RCBTB1: variants seen among roughly 807,000 people sequenced by gnomAD.
RCBTB1 encodes the protein RCC1 and BTB domain-containing protein 1.
In RCBTB1, 46 loss-of-function variants were observed where a neutral mutation model predicts 62.4. The ratio of observed to expected loss-of-function variants is 0.74; its 90% confidence interval spans 0.58 to 0.94. The LOEUF is 0.94. RCBTB1 is among the 40% of genes least tolerant of loss of function. The pLI is 0.00. For missense variants in RCBTB1, 565 were observed against 654.9 expected, an observed-to-expected ratio of 0.86 and a Z score of 1.50; for synonymous variants, 222 against 245.8, an observed-to-expected ratio of 0.90 and a Z score of 0.91.
At chr13:49,552,321 A>G (rs1482378393) in intron 6 of RCBTB1, 36 bp from the exon 7 acceptor site, 1 of 1,386,678 alleles carries the variant, frequency 7.2e-7, no homozygotes, top group Middle Eastern at 1.9e-4. Context: ...TGAGATTTTT[A>G]AACTGCTGGT....
chr13:49,551,261 C>T, intron 8 of RCBTB1, 65 bp downstream of exon 8: 1 of 1,572,254 alleles, frequency 6.4e-7, no homozygotes, highest in Non-Finnish European at 8.7e-7. Context: ...CACCACAGCT[C>T]TGCCACACAC....
chr13:49,573,118 T>C, intron 2 of RCBTB1, among the ~76,000 whole-genome samples: 1 of 152,146 alleles, frequency 6.6e-6, no homozygotes, highest in East Asian at 1.9e-4. Context: ...TATGTGCACA[T>C]CCCAAATTCA....
Position 49,584,504 on chromosome 13 carries a change from T to C in RCBTB1, c.-122+940A>G, listed in dbSNP as rs1174475841. On this transcript the variant is annotated intron_variant, in intron 1 of 12. Coordinates refer to ENST00000378302, the MANE Select transcript of RCBTB1 (RefSeq NM_018191.4). ...TCACCCAGTGCTCACTTGAAATGAG[T>C]ACTCTAAAGTTTAAAGCACCTATAA... Among the ~76,000 whole-genome samples the C allele has an allele frequency of 2.6e-5, 4 of 152,166 alleles. No individual in the cohort carries two copies. The South Asian group carries it at 6.2e-4, about 24-fold the overall frequency.
At chr13:49,550,336 T>C (rs903221233) in intron 8 of RCBTB1, 34 of 486,118 alleles carry the variant, frequency 7.0e-5, no homozygotes, top group Middle Eastern at 1.0e-3. Flanking sequence ...AGAACACTCA[T>C]TGGGCTGATA....
Position 49,533,393 on chromosome 13 carries a change from C to T in RCBTB1, c.*729G>A. ...AGATTCTAATTTATAAAATATTCACCTTCATCAAATTTCTTTCATTATCAA... is the reference window on the plus strand; with the variant it reads ...AGATTCTAATTTATAAAATATTCACTTTCATCAAATTTCTTTCATTATCAA... On this transcript the variant is annotated 3_prime_UTR_variant, in exon 13 of 13. Coordinates refer to ENST00000378302, the MANE Select transcript of RCBTB1 (RefSeq NM_018191.4). The T allele has an allele frequency of 6.6e-6, 1 of 152,052 alleles. No homozygotes were observed. The highest frequency in any genetic ancestry group is 6.5e-5 in the Admixed American group (1 of 15,272). 9.4% of individuals were successfully genotyped at this position (152,052 alleles called of 1,614,324 possible). A position where few individuals can be genotyped will look rare whatever the true frequency, so the allele number is the denominator to read the frequency against.
In RCBTB1 at chr13:49,533,957, C is replaced by T. The variant is rs560256142; in HGVS notation, c.*165G>A. 28 of 577,236 alleles carry T rather than the reference C, an allele frequency of 4.9e-5. No individual in the cohort carries two copies. The highest frequency in any genetic ancestry group is 1.0e-4 in the South Asian group (3 of 29,222). 35.8% of individuals were successfully genotyped at this position (577,236 alleles called of 1,614,324 possible). ...TGTTTAAAATGGGCTCAAGAAAAGCCGTACACCCTTGTTATGTTCCTACAC... is the reference window on the plus strand; with the variant it reads ...TGTTTAAAATGGGCTCAAGAAAAGCTGTACACCCTTGTTATGTTCCTACAC... On this transcript the variant is annotated 3_prime_UTR_variant, in exon 13 of 13. Transcript: ENST00000378302.
chr13:49,553,040 G>A (rs1470889143), intron 6 of RCBTB1, among the ~76,000 whole-genome samples: 2 of 152,044 alleles, frequency 1.3e-5, no homozygotes, highest in African/African-American at 4.8e-5. Flanking sequence ...AAATTAGCTG[G>A]GCGTGGTGGC....
intron 1 of RCBTB1, among the ~76,000 whole-genome samples, chr13:49,582,812 G>A (rs986163695): frequency 9.2e-5 from 5 of 54,258 alleles, no homozygotes; most frequent in Non-Finnish European, 1.1e-4. Flanking sequence ...CTCTTCTGAG[G>A]TCACCTATTT....
At chr13:49,562,774 G>T (rs9568262) in intron 4 of RCBTB1, among the ~76,000 whole-genome samples, 2 of 106,040 alleles carry the variant, frequency 1.9e-5, no homozygotes. Flanking sequence ...CACCATCCCC[G>T]GCTTTTTTTT....
rs41284784 is a variant in RCBTB1, at chr13:49,532,646, A to G, written c.*1476T>C. Reference sequence around the variant, plus strand: ...CTATTTCAGCTATCAGTGAATTCCTATCTTTAGGGCCTCACTCCCCTTCCC... The same window carrying G: ...CTATTTCAGCTATCAGTGAATTCCTGTCTTTAGGGCCTCACTCCCCTTCCC... On this transcript the variant is annotated 3_prime_UTR_variant, in exon 13 of 13. Transcript: ENST00000378302. The G allele has an allele frequency of 7.2e-3, 1,097 of 152,252 alleles. 4 individuals carry two copies. The highest frequency in any genetic ancestry group is 0.012 in the Non-Finnish European group (804 of 68,014). 9.4% of individuals were successfully genotyped at this position (152,252 alleles called of 1,614,324 possible).
chr13:49,578,000 A>C (rs1184689127), intron 2 of RCBTB1, among the ~76,000 whole-genome samples: 1 of 152,208 alleles, frequency 6.6e-6, no homozygotes, highest in East Asian at 1.9e-4. Context: ...TTACGAAAAA[A>C]ATTTATTTAT....
At chr13:49,541,054 C>G in intron 11 of RCBTB1, 48 bp from the exon 12 acceptor site, 2 of 1,552,448 alleles carry the variant, frequency 1.3e-6, no homozygotes, top group Non-Finnish European at 1.8e-6. Context: ...TAATAATTTC[C>G]AATACACAGA....
At chr13:49,549,371 A>C in intron 9 of RCBTB1, 87 bp downstream of exon 9, 1 of 1,309,314 alleles carries the variant, frequency 7.6e-7, no homozygotes, top group Non-Finnish European at 1.1e-6. Flanking sequence ...ACATTCTGAG[A>C]GATCCCAAAA....
At chr13:49,581,944 G>A (rs1255334783) in intron 1 of RCBTB1, among the ~76,000 whole-genome samples, 1 of 152,224 alleles carries the variant, frequency 6.6e-6, no homozygotes, top group East Asian at 1.9e-4. Flanking sequence ...GTGAAGAAAA[G>A]GAAACCATGA....
chr13:49,543,675 T>C (rs762312243), intron 10 of RCBTB1, among the ~76,000 whole-genome samples: 1 of 152,214 alleles, frequency 6.6e-6, no homozygotes, highest in Non-Finnish European at 1.5e-5. Flanking sequence ...GTCCCTCACA[T>C]TTATACAAGG....
At chr13:49,559,059 T>C (rs1217618679) in intron 5 of RCBTB1, among the ~76,000 whole-genome samples, 2 of 152,224 alleles carry the variant, frequency 1.3e-5, no homozygotes, top group Admixed American at 6.5e-5. Flanking sequence ...AAATATACCA[T>C]AGGAACTTAA....
chr13:49,535,158 C>A (rs555771922), intron 12 of RCBTB1, among the ~76,000 whole-genome samples: 23 of 152,120 alleles, frequency 1.5e-4, no homozygotes, highest in Non-Finnish European at 2.9e-4. Flanking sequence ...AACATCACCC[C>A]CACAGAAGTA....
intron 4 of RCBTB1, 73 bp from the exon 5 acceptor site, chr13:49,560,157 T>G (rs577166126): frequency 6.6e-7 from 1 of 1,504,026 alleles, no homozygotes; most frequent in South Asian, 1.3e-5. Context: ...CCCCAGAACT[T>G]CGTACAGCTC....
intron 12 of RCBTB1, among the ~76,000 whole-genome samples, chr13:49,535,979 T>TGC: frequency 6.7e-6 from 1 of 150,102 alleles, no homozygotes; most frequent in South Asian, 2.1e-4. Flanking sequence ...GCCGAGATCA[T>TGC]GCCACTGCAC....
Sources: gnomAD v4.1 joint callset for allele counts (sites outside exome capture counted in the v4.1 genomes callset) on GRCh38, gnomAD v4.1.1 for gene constraint, MANE v1.5 for transcripts, NCBI Gene and HGNC (gene_info 2026-07-23, HGNC 2026-07-21) for gene names.